The following BSND variants were observed in gnomAD, a reference collection of about 807,000 sequenced individuals.
BSND encodes barttin CLCNK type accessory subunit beta.
BSND carries 13 observed loss-of-function variants against 18.8 expected under a neutral mutation model. The ratio of observed to expected loss-of-function variants is 0.69; its 90% CI spans 0.45 to 1.10. The LOEUF (loss-of-function observed/expected upper bound fraction) is 1.10. Ranked by LOEUF, BSND falls within the 50% of genes least tolerant of loss-of-function variation. The pLI is 0.00. For synonymous variants in BSND, 170 were observed against 161.8 expected (o/e 1.05, Z -0.39); for missense variants, 379 against 416.7 (o/e 0.91, Z 0.79).
chr1:55,004,461 C>T (rs1644379914), intron 1 of BSND, among the ~76,000 whole-genome samples: 1 of 152,232 alleles, frequency 6.6e-6, no homozygotes. Context: ...CACCCACTGC[C>T]TCCTTCATGA....
rs780708480 is a variant in BSND, at chr1:55,008,408, C to A, written c.743C>A (p.Thr248Lys). Residue 248 changes from threonine (T) to lysine (K), a missense_variant, in exon 4 of 4, where the codon ACG becomes AAG. Coordinates refer to ENST00000651561, the MANE Select transcript of BSND (RefSeq NM_057176.3). The stretch of plus-strand genomic sequence containing the variant: ...GACTTTGCCCTGATTGATGCCCCAA[C>A]GTTGGAGGATGAGCCCCAAGAGGGG... The part of the protein sequence containing the change: ...FQDFALIDAP[T>K]LEDEPQEGQQ... 1 of 1,614,092 alleles carries A rather than the reference C, an allele frequency of 6.2e-7. No homozygotes were observed. Among genetic ancestry groups the A allele is most frequent in the African/African-American group, 1.3e-5 (1 of 74,942 alleles).
chr1:55,011,195 A>C lies in BSND; in HGVS notation c.*2567A>C, dbSNP rs1360974070. On this transcript the variant is annotated 3_prime_UTR_variant, in exon 4 of 4. Coordinates refer to ENST00000651561, the MANE Select transcript of BSND (RefSeq NM_057176.3). ...AGGGGGCTTGGGGTAGTGGAGTGAG[A>C]TGGTGAGACCCAGGCTTGGTCTCCC... is the stretch of plus-strand genomic sequence containing the variant. The C allele has an allele frequency of 2.0e-5, 3 of 152,328 alleles. No individual in the cohort carries two copies. The highest frequency in any genetic ancestry group is 6.5e-5 in the Admixed American group (1 of 15,278). The allele number at this position is 152,328 out of a possible 1,614,324, so 9.4% of individuals were successfully genotyped here. A position where few individuals can be genotyped will look rare whatever the true frequency, so the allele number is the denominator to read the frequency against.
chr1:55,013,317 C>A lies in BSND; in HGVS notation c.*4689C>A, dbSNP rs904165459. ...TAGCTAGGATTACAGGCGCCTGCCACCACACCCAGCTAATTTTGTATTTTT... is the reference window on the plus strand; with the variant it reads ...TAGCTAGGATTACAGGCGCCTGCCAACACACCCAGCTAATTTTGTATTTTT... On this transcript the variant is annotated 3_prime_UTR_variant, in exon 4 of 4. Transcript: ENST00000651561. 5.3e-5 allele frequency among the ~76,000 whole-genome samples: 8 copies of A among 152,168 alleles called. No individual in the cohort carries two copies. Among genetic ancestry groups the A allele is most frequent in the African/African-American group, 1.9e-4 (8 of 41,424 alleles).
chr1:55,007,737 CCTGT>C (rs149256233), intron 3 of BSND, among the ~76,000 whole-genome samples: 4,075 of 152,252 alleles, frequency 0.027, 187 homozygotes, highest in South Asian at 0.17. Flanking sequence ...CACTCCCATC[CCTGT>C]CTGTTTGTGA....
rs1469935909 is a variant in BSND, at chr1:55,004,913, G to T, written c.178-109G>T. 6 of 1,009,666 alleles carry T rather than the reference G, an allele frequency of 5.9e-6. No homozygotes were observed. The Admixed American group carries it at 1.1e-4, about 19-fold the overall frequency. The allele number at this position is 1,009,666 out of a possible 1,614,324, so 62.5% of individuals were successfully genotyped here. ...CCTGTCAAGCAGGGAGGCCTCCGTG[G>T]TGCAGCCTGTCTCCCAGAGCTCATG... On this transcript the variant is annotated intron_variant, in intron 1 of 3. Transcript: ENST00000651561.
chr1:55,008,239 GC>G lies in BSND; in HGVS notation c.579del (p.Leu194TrpfsTer50). 1 of 1,614,174 alleles carries G rather than the reference GC, an allele frequency of 6.2e-7. No individual in the cohort carries two copies. The highest frequency in any genetic ancestry group is 8.5e-7 in the Non-Finnish European group (1 of 1,180,034). ...CCCCCTGGCCTGTCCCCAGGGCCCT[GC>G]CCCCTTGGCTTCCTTCCAAGATGAC... ...PGPLACPQGPAPLASFQDDLD... is the reference protein window; with the variant it reads ...PGPLACPQGPXPLASFQDDLD... On this transcript the variant is annotated frameshift_variant, in exon 4 of 4. Transcript: ENST00000651561. LOFTEE classifies it low-confidence loss of function (END_TRUNC).
chr1:55,013,194 G>T lies in BSND; in HGVS notation c.*4566G>T, dbSNP rs186133023. Reference sequence around the variant, plus strand: ...TTTATTTATTTTGAGATGGAGTGTTGCGCTTGTTGCCCAGGCTAGAGTGCA... The same window carrying T: ...TTTATTTATTTTGAGATGGAGTGTTTCGCTTGTTGCCCAGGCTAGAGTGCA... On this transcript the variant is annotated 3_prime_UTR_variant, in exon 4 of 4. Transcript: ENST00000651561. Among the ~76,000 whole-genome samples, 945 of 152,092 alleles carry T rather than the reference G, an allele frequency of 6.2e-3. 33 individuals are homozygous for T. The South Asian group carries it at 0.1, about 17-fold the overall frequency.
chr1:55,007,974 T>C (rs1557485712), intron 3 of BSND, among the ~76,000 whole-genome samples: 1 of 152,170 alleles, frequency 6.6e-6, no homozygotes, highest in African/African-American at 2.4e-5. Flanking sequence ...GATAATAGCA[T>C]AGTAATAGCC....
chr1:55,001,013 G>A (rs1644358809), intron 1 of BSND, among the ~76,000 whole-genome samples: 1 of 152,122 alleles, frequency 6.6e-6, no homozygotes. Flanking sequence ...AGTAACTGTT[G>A]ATAGATTCAT....
chr1:54,999,617 A>G (rs922347654), intron 1 of BSND, among the ~76,000 whole-genome samples: 10 of 152,182 alleles, frequency 6.6e-5, no homozygotes, highest in African/African-American at 1.2e-4. Flanking sequence ...GCCGGAAGCT[A>G]TGGTATAGAC....
At position 55,008,702 on chromosome 1, in the gene BSND, C is replaced by CCTAT; in HGVS notation, c.*77_*80dup. On this transcript the variant is annotated 3_prime_UTR_variant, in exon 4 of 4. Transcript: ENST00000651561. Reference sequence around the variant, plus strand: ...TGTGACATCACAGGGCCTCAGTTTCCCTATCTGCAAAATGGGATGATATGG... The same window carrying CCTAT: ...TGTGACATCACAGGGCCTCAGTTTCCCTATCTATCTGCAAAATGGGATGATATGG... 1 of 1,607,346 alleles carries CCTAT rather than the reference C, an allele frequency of 6.2e-7. No individual in the cohort carries two copies. Among genetic ancestry groups the CCTAT allele is most frequent in the Non-Finnish European group, 8.5e-7 (1 of 1,175,368 alleles).
chr1:55,004,825 G>C (rs146868011), intron 1 of BSND, among the ~76,000 whole-genome samples, 197 bp from the exon 2 acceptor site: 7 of 152,352 alleles, frequency 4.6e-5, no homozygotes, highest in African/African-American at 1.2e-4. Flanking sequence ...GAAGAACCAG[G>C]AAGGGAGCAG....
rs1049051903 is a variant in BSND, at chr1:55,013,519, C to T, written c.*4891C>T. On this transcript the variant is annotated 3_prime_UTR_variant, in exon 4 of 4. Coordinates refer to ENST00000651561, the MANE Select transcript of BSND (RefSeq NM_057176.3). Reference sequence around the variant, plus strand: ...CAGAGAAGCTGAATAATTTGCCCATCCTTGCGGAGAAGAGCTAAATGGAGG... The same window carrying T: ...CAGAGAAGCTGAATAATTTGCCCATTCTTGCGGAGAAGAGCTAAATGGAGG... 6.6e-6 allele frequency among the ~76,000 whole-genome samples: 1 copy of T among 152,158 alleles called. No homozygotes were observed. The highest frequency in any genetic ancestry group is 2.4e-5 in the African/African-American group (1 of 41,432).
In BSND at chr1:55,008,642, C is replaced by T. The variant is rs187356092; in HGVS notation, c.*14C>T. On this transcript the variant is annotated 3_prime_UTR_variant, in exon 4 of 4. Transcript: ENST00000651561. The stretch of plus-strand genomic sequence containing the variant: ...ACCCAAGGCTGAGATGTTTGTGCTC[C>T]GTAGCTTCTAGTCTGGAACTGCTGC... 1.6e-4 allele frequency: 262 copies of T among 1,613,978 alleles called. 2 individuals carry two copies. The Middle Eastern group carries it at 1.8e-3, about 11-fold the overall frequency.
In BSND at chr1:55,011,433, T is replaced by C. The variant is rs544940377; in HGVS notation, c.*2805T>C. 1.3e-5 allele frequency: 2 copies of C among 152,394 alleles called. No homozygotes were observed. The highest frequency in any genetic ancestry group is 6.5e-5 in the Admixed American group (1 of 15,296). The allele number at this position is 152,394 out of a possible 1,614,324, so 9.4% of individuals were successfully genotyped here. A position where few individuals can be genotyped will look rare whatever the true frequency, so the allele number is the denominator to read the frequency against. On this transcript the variant is annotated 3_prime_UTR_variant, in exon 4 of 4. Transcript: ENST00000651561. ...AGCTTTCTCATGTGCAAATGACAGATGAAGTGCGCATATCTTGGAATCTTG... is the reference window on the plus strand; with the variant it reads ...AGCTTTCTCATGTGCAAATGACAGACGAAGTGCGCATATCTTGGAATCTTG...
chr1:55,008,099 T>C, intron 3 of BSND, 115 bp from the exon 4 acceptor site: 1 of 833,426 alleles, frequency 1.2e-6, no homozygotes, highest in Non-Finnish European at 2.0e-6. Flanking sequence ...GGGAAGAAAC[T>C]GAGGCCCGGG....
In BSND at chr1:55,008,912, A is replaced by G; in HGVS notation, c.*284A>G. Reference sequence around the variant, plus strand: ...CAAAAGCATTTTCCACCTTCCCCCAAAGCTGACCTCTGAGAGGAACCTTCC... The same window carrying G: ...CAAAAGCATTTTCCACCTTCCCCCAGAGCTGACCTCTGAGAGGAACCTTCC... On this transcript the variant is annotated 3_prime_UTR_variant, in exon 4 of 4. Transcript: ENST00000651561. The G allele has an allele frequency of 2.0e-6, 1 of 488,802 alleles. No individual in the cohort carries two copies. The highest frequency in any genetic ancestry group is 2.1e-5 in the South Asian group (1 of 48,140). 30.3% of individuals were successfully genotyped at this position (488,802 alleles called of 1,614,324 possible). A position where few individuals can be genotyped will look rare whatever the true frequency, so the allele number is the denominator to read the frequency against.
In BSND at chr1:55,012,345, C is replaced by T. The variant is rs191326176; in HGVS notation, c.*3717C>T. On this transcript the variant is annotated 3_prime_UTR_variant, in exon 4 of 4. Coordinates refer to ENST00000651561, the MANE Select transcript of BSND (RefSeq NM_057176.3). ...AGTCCGTGAAACAGCCCTGGGGGAC[C>T]GATCTGTCGACCCCACATTGCAAAT... 2.6e-5 allele frequency among the ~76,000 whole-genome samples: 4 copies of T among 152,280 alleles called. No homozygotes were observed. Among genetic ancestry groups the T allele is most frequent in the Middle Eastern group, 3.4e-3 (1 of 292 alleles).
intron 1 of BSND, among the ~76,000 whole-genome samples, chr1:55,001,776 G>A (rs574741974): frequency 6.6e-6 from 1 of 152,198 alleles, no homozygotes; most frequent in African/African-American, 2.4e-5. Flanking sequence ...GGGCTTTGTA[G>A]GTGAGATAAG....
Sources: gnomAD v4.1 joint callset for allele counts (sites outside exome capture counted in the v4.1 genomes callset) on GRCh38, gnomAD v4.1.1 for gene constraint, MANE v1.5 for transcripts, NCBI Gene and HGNC (gene_info 2026-07-23, HGNC 2026-07-21) for gene names.